DLG2: variants seen among roughly 807,000 people sequenced by gnomAD.
DLG2 encodes disks large homolog 2.
Under a neutral mutation model 132.5 loss-of-function variants are expected in DLG2, and 45 were observed. The observed-to-expected ratio is 0.34, with a 90% CI of 0.27 to 0.44. DLG2 has a LOEUF of 0.44. DLG2 is among the 20% of genes least tolerant of loss of function. The probability of loss-of-function intolerance (pLI) is 1.00; values close to 1 mark genes in which losing one functional copy is unlikely to be tolerated. For synonymous variants in DLG2, 424 were observed against 419.6 expected, an observed-to-expected ratio of 1.01 and a Z score of -0.13; for missense variants, 1,045 against 1,196.9, an observed-to-expected ratio of 0.87 and a Z score of 1.87.
chr11:83,850,444 C>G lies in DLG2; in HGVS notation c.1566-16674G>C, dbSNP rs73520814. Among the ~76,000 whole-genome samples the G allele has an allele frequency of 2.7e-3, 416 of 152,150 alleles. 2 individuals are homozygous for G. Among genetic ancestry groups the G allele is most frequent in the African/African-American group, 9.5e-3 (393 of 41,502 alleles). ...CTGGGATTACAGTCATGAGCCACCG[C>G]GGCAGCCCGGGGTAAGTTTTCTAAT... is the stretch of plus-strand genomic sequence containing the variant. On this transcript the variant is annotated intron_variant, in intron 16 of 27. Coordinates refer to ENST00000376104, the MANE Select transcript of DLG2 (RefSeq NM_001142699.3).
intron 7 of DLG2, among the ~76,000 whole-genome samples, chr11:84,509,317 C>T (rs1020869869): frequency 1.3e-5 from 2 of 152,154 alleles, no homozygotes; most frequent in African/African-American, 4.8e-5. Flanking sequence ...AAAAGTCTTT[C>T]AAGGAAATTA....
intron 7 of DLG2, among the ~76,000 whole-genome samples, chr11:84,465,718 T>C (rs945548558): frequency 1.3e-5 from 2 of 151,292 alleles, no homozygotes; most frequent in South Asian, 4.1e-4. Context: ...TTAATATTTA[T>C]AGTTTAAGCT....
chr11:84,748,799 A>C (rs1247303197), intron 6 of DLG2, among the ~76,000 whole-genome samples: 1 of 152,172 alleles, frequency 6.6e-6, no homozygotes, highest in Non-Finnish European at 1.5e-5. Context: ...GGCTACTAAG[A>C]AGGCTATGAG....
intron 7 of DLG2, among the ~76,000 whole-genome samples, chr11:84,512,675 T>G (rs1334152479): frequency 6.6e-6 from 1 of 152,062 alleles, no homozygotes; most frequent in African/African-American, 2.4e-5. Flanking sequence ...ACCAGCAGAC[T>G]TCTTAGTAGA....
At chr11:85,441,625 C>T (rs2091780581) in intron 3 of DLG2, among the ~76,000 whole-genome samples, 1 of 152,066 alleles carries the variant, frequency 6.6e-6, no homozygotes, top group African/African-American at 2.4e-5. Flanking sequence ...AGCCATGGTT[C>T]CCACTCTTGT....
chr11:84,354,610 T>A (rs762090380), intron 7 of DLG2, among the ~76,000 whole-genome samples: 22 of 152,084 alleles, frequency 1.4e-4, no homozygotes, highest in Admixed American at 7.9e-4. Flanking sequence ...AGTGTTGCCT[T>A]TAGAAGTACA....
chr11:84,827,621 A>T (rs2078486387), intron 6 of DLG2, among the ~76,000 whole-genome samples: 1 of 135,074 alleles, frequency 7.4e-6, no homozygotes, highest in Non-Finnish European at 1.6e-5. Context: ...GAACGGTGGA[A>T]GTTGATGGAA....
intron 4 of DLG2, among the ~76,000 whole-genome samples, chr11:85,250,004 A>T (rs772377431): frequency 8.5e-5 from 13 of 152,206 alleles, no homozygotes; most frequent in Admixed American, 5.2e-4. Context: ...GGTGTAAGGC[A>T]GAGATTTCAT....
At chr11:83,702,002 T>C (rs1187097044) in intron 18 of DLG2, among the ~76,000 whole-genome samples, 1 of 152,232 alleles carries the variant, frequency 6.6e-6, no homozygotes, top group African/African-American at 2.4e-5. Flanking sequence ...TCCACATTAT[T>C]ATAGTAGAAA....
chr11:85,230,077 A>G (rs1409136369), intron 4 of DLG2, among the ~76,000 whole-genome samples: 1 of 152,070 alleles, frequency 6.6e-6, no homozygotes, highest in Non-Finnish European at 1.5e-5. Context: ...GTGTACACCT[A>G]TGTAACAAAA....
chr11:84,087,184 A>G (rs914890548), intron 10 of DLG2, among the ~76,000 whole-genome samples: 1 of 152,138 alleles, frequency 6.6e-6, no homozygotes, highest in Non-Finnish European at 1.5e-5. Flanking sequence ...GAGTAGAATG[A>G]CTGGTCGTGT....
chr11:84,765,006 C>T (rs2068204202), intron 6 of DLG2, among the ~76,000 whole-genome samples: 1 of 152,030 alleles, frequency 6.6e-6, no homozygotes, highest in African/African-American at 2.4e-5. Context: ...ATTTGCATGT[C>T]CAATGGCAGA....
intron 11 of DLG2, among the ~76,000 whole-genome samples, chr11:83,988,886 T>C (rs2093527278): frequency 6.6e-6 from 1 of 152,166 alleles, no homozygotes; most frequent in African/African-American, 2.4e-5. Context: ...TAATACACTA[T>C]ATAAGTCATC....
chr11:84,779,340 GCTTT>G (rs1466746043), intron 6 of DLG2, among the ~76,000 whole-genome samples: 7 of 151,744 alleles, frequency 4.6e-5, no homozygotes, highest in Admixed American at 2.6e-4. Context: ...AAATAATACT[GCTTT>G]CTTTATTTCT....
intron 17 of DLG2, among the ~76,000 whole-genome samples, chr11:83,825,565 A>C (rs1251903346): frequency 6.6e-6 from 1 of 152,058 alleles, no homozygotes; most frequent in African/African-American, 2.4e-5. Context: ...CGCTTGGGGC[A>C]ATTCATGAGT....
chr11:84,468,148 A>G (rs1368324736), intron 7 of DLG2, among the ~76,000 whole-genome samples: 4 of 151,544 alleles, frequency 2.6e-5, no homozygotes, highest in Non-Finnish European at 5.9e-5. Flanking sequence ...ATGTTATTTT[A>G]CTCTTTTCAT....
intron 7 of DLG2, among the ~76,000 whole-genome samples, chr11:84,442,341 G>C (rs899600069): frequency 6.6e-6 from 1 of 152,020 alleles, no homozygotes; most frequent in African/African-American, 2.4e-5. Flanking sequence ...ATACACCATA[G>C]AATACTATAC....
At chr11:83,527,961 G>A (rs2095649468) in intron 21 of DLG2, among the ~76,000 whole-genome samples, 3 of 152,128 alleles carry the variant, frequency 2.0e-5, no homozygotes. Context: ...AAAAAAGGTA[G>A]AAGGACAATA....
intron 11 of DLG2, among the ~76,000 whole-genome samples, chr11:84,050,344 C>T (rs965217419): frequency 2.0e-5 from 3 of 151,788 alleles, no homozygotes; most frequent in South Asian, 2.1e-4. Context: ...CTGTTCATAT[C>T]CATCGCCCAC....
Sources: gnomAD v4.1 joint callset for allele counts (sites outside exome capture counted in the v4.1 genomes callset) on GRCh38, gnomAD v4.1.1 for gene constraint, MANE v1.5 for transcripts, NCBI Gene and HGNC (gene_info 2026-07-23, HGNC 2026-07-21) for gene names.